TNRC6C: variants seen among roughly 807,000 people sequenced by gnomAD.
TNRC6C encodes trinucleotide repeat-containing gene 6C protein.
In TNRC6C, 20 loss-of-function variants were observed where a neutral mutation model predicts 153.7. The observed-to-expected ratio is 0.13, with a 90% CI of 0.09 to 0.19. TNRC6C has a LOEUF of 0.19. TNRC6C is among the 10% of genes least tolerant of loss of function. The pLI is 1.00. For synonymous variants in TNRC6C, 811 were observed against 841.4 expected, an observed-to-expected ratio of 0.96 and a Z score of 0.63; for missense variants, 1,987 against 2,172.0, an observed-to-expected ratio of 0.91 and a Z score of 1.69.
exon 3 of TNRC6C, chr17:78,050,857 T>G: frequency 6.2e-7 from 1 of 1,613,532 alleles, no homozygotes; most frequent in Non-Finnish European, 8.5e-7. Flanking sequence ...AGGGGGAGAT[T>G]GGGCAGATTC....
At chr17:78,053,351 C>T (rs915167378) in intron 3 of TNRC6C, among the ~76,000 whole-genome samples, 2 of 152,034 alleles carry the variant, frequency 1.3e-5, no homozygotes, top group South Asian at 2.1e-4. Flanking sequence ...AAGATTAGGT[C>T]GGGCGTGGTG....
intron 2 of TNRC6C, among the ~76,000 whole-genome samples, chr17:78,038,678 CAAA>C (rs751760738): frequency 2.0e-4 from 12 of 61,226 alleles, no homozygotes; most frequent in East Asian, 4.3e-4. Context: ...GACTCCGTGT[CAAA>C]AAAAAAAAAA....
chr17:78,050,620 A>G (rs370277713), exon 3 of TNRC6C: 21 of 1,576,812 alleles, frequency 1.3e-5, no homozygotes, highest in Non-Finnish European at 1.6e-5. Context: ...TGTGCCAGCA[A>G]ACACAGGTTG....
exon 20 of TNRC6C, chr17:78,106,888 A>C (rs923283567): frequency 1.3e-4 from 19 of 151,812 alleles, no homozygotes; most frequent in African/African-American, 4.4e-4. Flanking sequence ...AAAATACAAA[A>C]AAAAAAAAAA....
At chr17:77,977,077 T>C (rs1188195944) in intron 1 of TNRC6C, among the ~76,000 whole-genome samples, 1 of 152,022 alleles carries the variant, frequency 6.6e-6, no homozygotes. Flanking sequence ...TTCCAGATGG[T>C]ATCTATTTTA....
chr17:78,062,243 G>T (rs1410479020), intron 3 of TNRC6C, among the ~76,000 whole-genome samples: 1 of 152,114 alleles, frequency 6.6e-6, no homozygotes, highest in African/African-American at 2.4e-5. Context: ...CCCTGTTATT[G>T]GTAACTATTT....
intron 7 of TNRC6C, among the ~76,000 whole-genome samples, chr17:78,074,480 A>T (rs560091397): frequency 6.6e-6 from 1 of 152,234 alleles, no homozygotes; most frequent in Non-Finnish European, 1.5e-5. Flanking sequence ...GCAAACTGCC[A>T]GGGCGGGACA....
chr17:78,053,094 C>CGTA (rs1364314585), intron 3 of TNRC6C, among the ~76,000 whole-genome samples: 243 of 152,212 alleles, frequency 1.6e-3, no homozygotes, highest in African/African-American at 5.6e-3. Flanking sequence ...GTCACGTTGC[C>CGTA]CCCCGACCCC....
In TNRC6C at chr17:78,104,544, G is replaced by A. The variant is rs1392230487; in HGVS notation, c.4772G>A (p.Arg1591His). The A allele has an allele frequency of 1.2e-5, 19 of 1,542,312 alleles. No individual in the cohort carries two copies. The highest frequency in any genetic ancestry group is 2.4e-5 in the East Asian group (1 of 41,204). ...TTCGCTGGTGAAGAAGAAGTGAATC[G>A]CTTCTTAGCCCAAGGCCAGGCGCTG... Residue 1591 changes from arginine (R) to histidine (H), a missense_variant, in exon 20 of 20, where the codon CGC becomes CAC. Physicochemically the swap from Arg to His is conservative, Grantham distance 29. Around this residue, in one of 4 missense-constraint regions of TNRC6C, gnomAD observed 139 missense variants for 148.5 expected, o/e 0.94. Coordinates refer to ENST00000301624, the Ensembl canonical transcript of TNRC6C. The surrounding 1 kb of genome is among the most constrained non-coding windows in gnomAD (Gnocchi z 6.2).
At chr17:77,985,616 A>AAAAAAAAAAAC (rs1460613611) in intron 1 of TNRC6C, among the ~76,000 whole-genome samples, 12 of 151,494 alleles carry the variant, frequency 7.9e-5, no homozygotes, top group African/African-American at 2.9e-4. Context: ...AAAAAAAAAA[A>AAAAAAAAAAAC]CCAGCAACTG....
intron 1 of TNRC6C, 95 bp downstream of exon 3, chr17:78,005,174 C>G (rs754339705): frequency 7.5e-6 from 6 of 798,312 alleles, no homozygotes; most frequent in Non-Finnish European, 1.0e-5. Flanking sequence ...GGTTAAAAAA[C>G]GAGAATCTAA....
intron 1 of TNRC6C, among the ~76,000 whole-genome samples, chr17:77,997,607 A>C (rs1413916542): frequency 6.6e-6 from 1 of 152,088 alleles, no homozygotes; most frequent in African/African-American, 2.4e-5. Flanking sequence ...TGAGGGAAGG[A>C]TTCAACATTA....
At chr17:78,064,228 T>C (rs2072827133) in intron 3 of TNRC6C, among the ~76,000 whole-genome samples, 1 of 151,712 alleles carries the variant, frequency 6.6e-6, no homozygotes, top group Non-Finnish European at 1.5e-5. Flanking sequence ...CCCCAATAGC[T>C]CGGATTACAA....
At chr17:78,047,313 C>T (rs995903725) in intron 2 of TNRC6C, among the ~76,000 whole-genome samples, 3 of 152,132 alleles carry the variant, frequency 2.0e-5, no homozygotes, top group East Asian at 1.9e-4. Context: ...GTTATAGAGC[C>T]AACCCCTAAT....
chr17:77,986,292 G>T (rs1301290980), intron 1 of TNRC6C, among the ~76,000 whole-genome samples: 2 of 152,094 alleles, frequency 1.3e-5, no homozygotes, highest in African/African-American at 4.8e-5. Context: ...GCACATGCCT[G>T]TAATCCCAGC....
chr17:78,076,170 C>T (rs1460228463), intron 8 of TNRC6C, among the ~76,000 whole-genome samples: 3 of 150,650 alleles, frequency 2.0e-5, no homozygotes, highest in Middle Eastern at 3.4e-3. Flanking sequence ...AAGCTGAGAT[C>T]GTGCCATTGC....
intron 4 of TNRC6C, among the ~76,000 whole-genome samples, chr17:78,065,764 A>T (rs183110401): frequency 1.3e-4 from 20 of 152,336 alleles, no homozygotes; most frequent in Non-Finnish European, 2.6e-4. Context: ...AAAAAATTTT[A>T]AAAAGGTACA....
chr17:78,002,124 C>A (rs925248835), upstream of TNRC6C, among the ~76,000 whole-genome samples: 1 of 151,390 alleles, frequency 6.6e-6, no homozygotes, highest in Non-Finnish European at 1.5e-5. Flanking sequence ...CTTTTCAAAT[C>A]CAAGTTTATA....
At chr17:78,000,158 C>T (rs1490949313), upstream of TNRC6C, among the ~76,000 whole-genome samples, 2 of 152,184 alleles carry the variant, frequency 1.3e-5, no homozygotes, top group South Asian at 2.1e-4. Context: ...AATATGCTGG[C>T]TTACAGGCTT....
Sources: gnomAD v4.1 joint callset for allele counts (sites outside exome capture counted in the v4.1 genomes callset) on GRCh38, gnomAD v4.1.1 for gene constraint, gnomAD v4.1.1 regional missense constraint, Gnocchi (gnomAD v3.1) non-coding constraint, MANE v1.5 for transcripts, NCBI Gene and HGNC (gene_info 2026-07-23, HGNC 2026-07-21) for gene names.